PCDH9: variants seen among roughly 807,000 people sequenced by gnomAD.
PCDH9 encodes the protein protocadherin 9.
Under a neutral mutation model 70.6 loss-of-function variants are expected in PCDH9, and 24 were observed. The observed-to-expected ratio is 0.34, with a 90% CI of 0.25 to 0.48. PCDH9 has a LOEUF of 0.48. Among genes scored for constraint, PCDH9 ranks in the 20% least tolerant of loss-of-function variants. The pLI, the probability that PCDH9 is intolerant of heterozygous loss-of-function variation, is 0.99. For missense variants in PCDH9, 1,281 were observed against 1,503.6 expected (o/e 0.85, Z 2.45); for synonymous variants, 562 against 558.5 (o/e 1.01, Z -0.09).
chr13:66,447,051 A>C (rs887350635), intron 4 of PCDH9, among the ~76,000 whole-genome samples: 2 of 152,074 alleles, frequency 1.3e-5, no homozygotes, highest in African/African-American at 4.8e-5. Context: ...ATTAATAAAC[A>C]TTGTTTTCTT....
At chr13:66,643,766 C>T (rs1291730545) in intron 3 of PCDH9, among the ~76,000 whole-genome samples, 2 of 151,992 alleles carry the variant, frequency 1.3e-5, no homozygotes, top group African/African-American at 2.4e-5. Flanking sequence ...AGAAGGTAAA[C>T]ATCCTAAAAT....
intron 4 of PCDH9, among the ~76,000 whole-genome samples, chr13:66,313,851 GA>G (rs1217022756): frequency 1.3e-5 from 2 of 152,088 alleles, no homozygotes; most frequent in East Asian, 1.9e-4. Context: ...ATAAATGGGG[GA>G]AAATACTTTG....
chr13:66,422,657 T>A (rs1192844671), intron 4 of PCDH9, among the ~76,000 whole-genome samples: 1 of 152,060 alleles, frequency 6.6e-6, no homozygotes, highest in Admixed American at 6.6e-5. Flanking sequence ...GCTAAAGCAG[T>A]GTTCAGAGGG....
In PCDH9 at chr13:67,147,096, C is replaced by T. The variant is rs549985267; in HGVS notation, c.3036+78309G>A. Among the ~76,000 whole-genome samples, 4 of 152,282 alleles carry T rather than the reference C, an allele frequency of 2.6e-5. No individual in the cohort carries two copies. In the South Asian group the frequency reaches 8.3e-4, roughly 32 times the overall value. On this transcript the variant is annotated intron_variant, in intron 2 of 4. Transcript: ENST00000377865. ...TAATGGACTGTTTCTCTGCTCCCCT[C>T]ATGTAGCCTACAGCATTTTTTTATT...
chr13:67,131,528 C>G (rs2087111225), intron 2 of PCDH9, among the ~76,000 whole-genome samples: 1 of 152,086 alleles, frequency 6.6e-6, no homozygotes, highest in African/African-American at 2.4e-5. Flanking sequence ...ATCTTGATTT[C>G]TAACCTTACA....
At chr13:66,623,430 T>G (rs1179791180) in intron 4 of PCDH9, among the ~76,000 whole-genome samples, 1 of 151,982 alleles carries the variant, frequency 6.6e-6, no homozygotes, top group Non-Finnish European at 1.5e-5. Flanking sequence ...GCAAGTAGGC[T>G]TTTTCTTTTT....
At chr13:66,497,696 T>A (rs1959137910) in intron 4 of PCDH9, among the ~76,000 whole-genome samples, 2 of 152,090 alleles carry the variant, frequency 1.3e-5, no homozygotes, top group Admixed American at 6.5e-5. Context: ...GAGGGTTTGA[T>A]AACCCAGGTT....
chr13:66,823,431 TTA>T (rs1235208532), intron 3 of PCDH9, among the ~76,000 whole-genome samples: 1 of 151,624 alleles, frequency 6.6e-6, no homozygotes, highest in African/African-American at 2.4e-5. Flanking sequence ...ATAAATTATA[TTA>T]TAAAGATAAT....
At chr13:66,993,319 T>G (rs2084041578) in intron 2 of PCDH9, among the ~76,000 whole-genome samples, 1 of 152,198 alleles carries the variant, frequency 6.6e-6, no homozygotes, top group Admixed American at 6.5e-5. Flanking sequence ...CTTGGGATAC[T>G]GAATATGAAA....
chr13:66,732,871 A>G (rs1726132829), intron 3 of PCDH9, among the ~76,000 whole-genome samples: 1 of 152,040 alleles, frequency 6.6e-6, no homozygotes, highest in African/African-American at 2.4e-5. Context: ...GATACTAATT[A>G]TTGATATTTT....
chr13:66,465,114 A>G (rs1356019267), intron 4 of PCDH9, among the ~76,000 whole-genome samples: 3 of 151,864 alleles, frequency 2.0e-5, no homozygotes, highest in Non-Finnish European at 4.4e-5. Context: ...CTTGGGGGAA[A>G]TGTGACTTGG....
chr13:66,963,141 A>G (rs556921651), intron 2 of PCDH9, among the ~76,000 whole-genome samples: 211 of 152,300 alleles, frequency 1.4e-3, no homozygotes, highest in Non-Finnish European at 2.5e-3. Context: ...GGCAGAGCTC[A>G]GGCGGTAATG....
At chr13:66,983,198 C>T (rs2083811968) in intron 2 of PCDH9, among the ~76,000 whole-genome samples, 1 of 151,926 alleles carries the variant, frequency 6.6e-6, no homozygotes, top group Non-Finnish European at 1.5e-5. Context: ...ACCTGCACGT[C>T]CTGCACGTGT....
At chr13:66,677,638 C>T (rs1029163758) in intron 3 of PCDH9, among the ~76,000 whole-genome samples, 5 of 152,008 alleles carry the variant, frequency 3.3e-5, no homozygotes, top group Admixed American at 6.6e-5. Flanking sequence ...TACCTCTCTC[C>T]GCCTCCCCTC....
chr13:66,838,056 C>T (rs1438269468), intron 3 of PCDH9, among the ~76,000 whole-genome samples: 1 of 152,170 alleles, frequency 6.6e-6, no homozygotes, highest in African/African-American at 2.4e-5. Context: ...AATTAATCCA[C>T]TATATCAAAT....
At chr13:66,561,906 C>G (rs1962062685) in intron 4 of PCDH9, among the ~76,000 whole-genome samples, 1 of 152,086 alleles carries the variant, frequency 6.6e-6, no homozygotes, top group Non-Finnish European at 1.5e-5. Context: ...TTCTTTCGCT[C>G]TTGGCAATAA....
At chr13:66,795,960 C>T (rs1348002387) in intron 3 of PCDH9, among the ~76,000 whole-genome samples, 1 of 152,122 alleles carries the variant, frequency 6.6e-6, no homozygotes, top group African/African-American at 2.4e-5. Context: ...AACTGCTGCC[C>T]AGTAATGTTC....
chr13:66,452,635 C>T lies in PCDH9; in HGVS notation c.3341-147607G>A, dbSNP rs533755097. On this transcript the variant is annotated intron_variant, in intron 4 of 4. Transcript: ENST00000377865. ...AGTCTTCTCAATCTGCTCAGATTAC[C>T]AGTTCTATGACACCATTCTCCTGAA... Among the ~76,000 whole-genome samples, 12 of 152,122 alleles carry T rather than the reference C, an allele frequency of 7.9e-5. 3 individuals are homozygous for T. The highest frequency in any genetic ancestry group is 2.9e-4 in the African/African-American group (12 of 41,498).
At chr13:66,480,735 T>C (rs541032316) in intron 4 of PCDH9, among the ~76,000 whole-genome samples, 11 of 152,286 alleles carry the variant, frequency 7.2e-5, no homozygotes, top group African/African-American at 2.6e-4. Flanking sequence ...GTTCAACCAT[T>C]GTGGAAGACA....
Sources: gnomAD v4.1 joint callset for allele counts (sites outside exome capture counted in the v4.1 genomes callset) on GRCh38, gnomAD v4.1.1 for gene constraint, MANE v1.5 for transcripts, NCBI Gene and HGNC (gene_info 2026-07-23, HGNC 2026-07-21) for gene names.